Variants in APBA1 observed in about 807,000 individuals in gnomAD.
APBA1 encodes amyloid-beta A4 precursor protein-binding family A member 1.
Under a neutral mutation model 86.6 loss-of-function variants are expected in APBA1, and 55 were observed. The observed-to-expected ratio is 0.64, with a 90% CI of 0.51 to 0.80. The LOEUF (loss-of-function observed/expected upper bound fraction) is 0.80, where lower values mean the gene tolerates loss of function less well. Ranked by LOEUF, APBA1 falls within the 30% of genes least tolerant of loss-of-function variation. The probability of loss-of-function intolerance (pLI) is 0.00; values close to 1 mark genes in which losing one functional copy is unlikely to be tolerated. For synonymous variants in APBA1, 511 were observed against 493.9 expected (o/e 1.03, Z -0.46); for missense variants, 1,090 against 1,183.0 (o/e 0.92, Z 1.15).
intron 1 of APBA1, among the ~76,000 whole-genome samples, chr9:69,567,744 C>T (rs1005817146): frequency 3.3e-5 from 5 of 152,170 alleles, no homozygotes; most frequent in Admixed American, 1.3e-4. Flanking sequence ...AGAGCTCAGG[C>T]CTGTCAGGAG....
chr9:69,533,587 C>T (rs1836464414), intron 1 of APBA1, among the ~76,000 whole-genome samples: 2 of 152,062 alleles, frequency 1.3e-5, no homozygotes, highest in Admixed American at 1.3e-4. Flanking sequence ...TGGTACTCAA[C>T]TTCTGTTTAC....
At chr9:69,624,611 T>A (rs1189051591) in intron 1 of APBA1, among the ~76,000 whole-genome samples, 3 of 152,166 alleles carry the variant, frequency 2.0e-5, no homozygotes, top group Admixed American at 1.3e-4. Flanking sequence ...TAGACCTGCC[T>A]CATTTGAAGA....
chr9:69,532,985 G>A (rs1264138455), intron 1 of APBA1, among the ~76,000 whole-genome samples: 2 of 152,192 alleles, frequency 1.3e-5, no homozygotes, highest in Admixed American at 6.5e-5. Flanking sequence ...TGCACAGTTT[G>A]TATTCACAAA....
chr9:69,512,101 A>T (rs1249614023), intron 2 of APBA1, among the ~76,000 whole-genome samples: 1 of 151,684 alleles, frequency 6.6e-6, no homozygotes, highest in Non-Finnish European at 1.5e-5. Flanking sequence ...AATAAAAAGA[A>T]AAAAAGAAAA....
chr9:69,503,870 T>C (rs976145469), intron 2 of APBA1, among the ~76,000 whole-genome samples: 1 of 152,144 alleles, frequency 6.6e-6, no homozygotes, highest in African/African-American at 2.4e-5. Context: ...AGATTCTCTC[T>C]GCTGCATTCC....
chr9:69,658,162 C>A (rs955887756), intron 1 of APBA1, among the ~76,000 whole-genome samples: 1 of 152,164 alleles, frequency 6.6e-6, no homozygotes, highest in Non-Finnish European at 1.5e-5. Flanking sequence ...TAATAGCTCC[C>A]TTGGTTACCC....
chr9:69,541,941 G>A (rs1322624223), intron 1 of APBA1, among the ~76,000 whole-genome samples: 8 of 151,690 alleles, frequency 5.3e-5, no homozygotes, highest in Non-Finnish European at 1.2e-4. Context: ...TTGGGACTAA[G>A]GTGAACACCA....
chr9:69,462,484 A>G (rs541743582), intron 5 of APBA1: 51 of 152,332 alleles, frequency 3.3e-4, no homozygotes, highest in African/African-American at 1.2e-3. Context: ...GTTTCTCCCA[A>G]AACATGTTCC....
chr9:69,487,173 G>T (rs947362837), intron 2 of APBA1, among the ~76,000 whole-genome samples: 3 of 152,036 alleles, frequency 2.0e-5, no homozygotes, highest in Non-Finnish European at 2.9e-5. Flanking sequence ...AGAGAGCAGG[G>T]CCATGATGTG....
chr9:69,440,748 T>C (rs140912734), intron 11 of APBA1, among the ~76,000 whole-genome samples: 1 of 152,224 alleles, frequency 6.6e-6, no homozygotes, highest in Non-Finnish European at 1.5e-5. Context: ...GGCGATGCCT[T>C]GTCCTGCTTC....
intron 1 of APBA1, among the ~76,000 whole-genome samples, chr9:69,587,099 G>A (rs1405834033): frequency 6.6e-6 from 1 of 152,022 alleles, no homozygotes; most frequent in African/African-American, 2.4e-5. Flanking sequence ...TTTGCCACTG[G>A]CATCCATTCA....
At chr9:69,600,131 T>C (rs1318203498) in intron 1 of APBA1, among the ~76,000 whole-genome samples, 2 of 152,178 alleles carry the variant, frequency 1.3e-5, no homozygotes, top group African/African-American at 4.8e-5. Context: ...ATTTCAAAAC[T>C]GTGCCTCCCA....
chr9:69,582,379 G>A (rs771521941), intron 1 of APBA1, among the ~76,000 whole-genome samples: 1 of 152,116 alleles, frequency 6.6e-6, no homozygotes, highest in Admixed American at 6.5e-5. Flanking sequence ...GGGACGGGTC[G>A]CTTTCTCCAC....
chr9:69,556,268 A>C (rs1836858413), intron 1 of APBA1, among the ~76,000 whole-genome samples: 1 of 152,180 alleles, frequency 6.6e-6, no homozygotes, highest in South Asian at 2.1e-4. Flanking sequence ...TCTGGATCTA[A>C]AACAAAATCA....
intron 2 of APBA1, among the ~76,000 whole-genome samples, chr9:69,501,804 G>A (rs573106331): frequency 8.5e-5 from 13 of 152,108 alleles, no homozygotes; most frequent in Admixed American, 7.9e-4. Context: ...CTCTAGCCTC[G>A]GTCACAGAGT....
At chr9:69,513,768 T>C (rs11139048) in intron 2 of APBA1, among the ~76,000 whole-genome samples, 23,187 of 152,168 alleles carry the variant, frequency 0.15, 2,371 homozygotes, top group East Asian at 0.28. Flanking sequence ...GACTATTCCT[T>C]AAAGAGGAGG....
intron 1 of APBA1, among the ~76,000 whole-genome samples, chr9:69,635,186 T>C (rs764121304): frequency 1.3e-5 from 2 of 152,112 alleles, no homozygotes; most frequent in African/African-American, 4.8e-5. Context: ...TACAATAAGA[T>C]ATAAACAGAA....
At chr9:69,471,805 A>G in intron 3 of APBA1, 110 bp from the exon 4 acceptor site, 1 of 838,590 alleles carries the variant, frequency 1.2e-6, no homozygotes, top group Admixed American at 2.4e-5. Context: ...GGCAGTTACC[A>G]ATTATTGATC....
At chr9:69,618,215 C>A (rs754734226) in intron 1 of APBA1, among the ~76,000 whole-genome samples, 4 of 152,158 alleles carry the variant, frequency 2.6e-5, no homozygotes, top group Admixed American at 6.5e-5. Context: ...TAAACACACA[C>A]AATAGACACT....
Sources: gnomAD v4.1 joint callset for allele counts (sites outside exome capture counted in the v4.1 genomes callset) on GRCh38, gnomAD v4.1.1 for gene constraint, MANE v1.5 for transcripts, NCBI Gene and HGNC (gene_info 2026-07-23, HGNC 2026-07-21) for gene names.